Variants in MAMSTR observed in about 807,000 individuals in gnomAD.
MAMSTR encodes the protein MEF2-activating motif and SAP domain-containing transcriptional regulator.
A neutral mutation model predicts 42.7 loss-of-function variants in MAMSTR; 41 were observed. The ratio of observed to expected loss-of-function variants is 0.96; its 90% confidence interval spans 0.75 to 1.25. The LOEUF is 1.25. Among genes scored for constraint, MAMSTR ranks in the 50% most tolerant of loss-of-function variants. The pLI is 0.00. For synonymous variants in MAMSTR, 265 were observed against 244.1 expected, an observed-to-expected ratio of 1.09 and a Z score of -0.80; for missense variants, 567 against 557.6, an observed-to-expected ratio of 1.02 and a Z score of -0.17.
At chr19:48,718,313 A>G (rs898844063) in intron 2 of MAMSTR, among the ~76,000 whole-genome samples, 1 of 150,464 alleles carries the variant, frequency 6.6e-6, no homozygotes, top group Admixed American at 6.6e-5. Flanking sequence ...AGGCACGCTC[A>G]CGTGCACACT....
At position 48,714,792 on chromosome 19, in the gene MAMSTR, C is replaced by G; in HGVS notation, c.528+14G>C. The stretch of plus-strand genomic sequence containing the variant: ...AGGAGAGAGAAGGCCTGGAAAGTTA[C>G]ACCCCAAACTCACCGTCAGCTCCTC... On this transcript the variant is annotated intron_variant, in intron 6 of 9. Coordinates refer to ENST00000318083, the MANE Select transcript of MAMSTR (RefSeq NM_001130915.2). 1 of 1,575,544 alleles carries G rather than the reference C, an allele frequency of 6.3e-7. No homozygotes were observed. Among genetic ancestry groups the G allele is most frequent in the Non-Finnish European group, 8.7e-7 (1 of 1,144,112 alleles).
Position 48,719,134 on chromosome 19 carries a change from T to G in MAMSTR, c.-21-82A>C. ...TCAGGAGGCCGCCCCTGAGAGTGAATTCAGCAGGGAAAGGGCCCGAAGGAG... is the reference window on the plus strand; with the variant it reads ...TCAGGAGGCCGCCCCTGAGAGTGAAGTCAGCAGGGAAAGGGCCCGAAGGAG... On this transcript the variant is annotated intron_variant, in intron 1 of 9. Transcript: ENST00000318083. This position sits in a 1 kb window ranked among gnomAD's most constrained non-coding sequence, Gnocchi z 4.4. 2 of 959,846 alleles carry G rather than the reference T, an allele frequency of 2.1e-6. No homozygotes were observed. The highest frequency in any genetic ancestry group is 1.6e-6 in the Non-Finnish European group (1 of 621,026). 59.5% of individuals were successfully genotyped at this position (959,846 alleles called of 1,614,324 possible). A position where few individuals can be genotyped will look rare whatever the true frequency, so the allele number is the denominator to read the frequency against.
the MAMSTR span, among the ~76,000 whole-genome samples, chr19:48,706,409 A>G: frequency 1.3e-5 from 2 of 151,480 alleles, no homozygotes; most frequent in African/African-American, 2.4e-5. Flanking sequence ...AAGCTGAGGC[A>G]GATGGATCAC....
chr19:48,711,695 C>T (rs1218666486), downstream of MAMSTR, among the ~76,000 whole-genome samples: 1 of 146,572 alleles, frequency 6.8e-6, no homozygotes, highest in Non-Finnish European at 1.5e-5. Context: ...GCCTCGGTCT[C>T]TCACGTAGCT....
At chr19:48,714,778 G>T in intron 6 of MAMSTR, 28 bp downstream of exon 6, 1 of 1,520,390 alleles carries the variant, frequency 6.6e-7, no homozygotes, top group Non-Finnish European at 9.1e-7. Context: ...GGAGAGAGAA[G>T]GCCTGGAAAG....
Position 48,715,667 on chromosome 19 carries a change from G to A in MAMSTR, c.198C>T (p.Leu66=). The change falls in exon 4 of 10, where the codon CTC becomes CTT. Residue 66 remains leucine (L), a synonymous_variant. Coordinates refer to ENST00000318083, the MANE Select transcript of MAMSTR (RefSeq NM_001130915.2). ...AAGGAGGACAATATTCTGGCTCGGG[G>A]AGCAGGACCCCAGGGCTGAAGAGGA... ...APFLFSPGVL[L]PEPEYCPPWR... The A allele has an allele frequency of 6.5e-7, 1 of 1,544,150 alleles. No individual in the cohort carries two copies. The highest frequency in any genetic ancestry group is 8.7e-7 in the Non-Finnish European group (1 of 1,145,148).
At chr19:48,715,551 CA>C in intron 4 of MAMSTR, 73 bp downstream of exon 4, 1 of 1,485,254 alleles carries the variant, frequency 6.7e-7, no homozygotes, top group Non-Finnish European at 8.9e-7. Context: ...CGAAGAGGAG[CA>C]AAAATGGCAG....
rs1018822310 is a variant in MAMSTR, at chr19:48,719,244, C to T, written c.-21-192G>A. 6.6e-6 allele frequency among the ~76,000 whole-genome samples: 1 copy of T among 152,018 alleles called. No individual in the cohort carries two copies. The highest frequency in any genetic ancestry group is 1.5e-5 in the Non-Finnish European group (1 of 67,998). On this transcript the variant is annotated intron_variant, in intron 1 of 9. Coordinates refer to ENST00000318083, the MANE Select transcript of MAMSTR (RefSeq NM_001130915.2). This position sits in a 1 kb window ranked among gnomAD's most constrained non-coding sequence, Gnocchi z 4.4. ...GGCTGCACACCCGGACACCTTGCTCCGAGGAAGGAGGAAGCTGGGGACCCA... is the reference window on the plus strand; with the variant it reads ...GGCTGCACACCCGGACACCTTGCTCTGAGGAAGGAGGAAGCTGGGGACCCA...
chr19:48,707,082 C>T, the MAMSTR span, among the ~76,000 whole-genome samples: 1 of 151,670 alleles, frequency 6.6e-6, no homozygotes, highest in African/African-American at 2.4e-5. Flanking sequence ...ATTCCAAAGT[C>T]GCAACATAGC....
chr19:48,713,610 C>G, intron 9 of MAMSTR, 60 bp from the exon 10 acceptor site: 1 of 1,600,428 alleles, frequency 6.2e-7, no homozygotes, highest in Non-Finnish European at 8.5e-7. Context: ...GCCAGCCCCC[C>G]ATACCCCATT....
the MAMSTR span, among the ~76,000 whole-genome samples, chr19:48,707,640 C>G: frequency 6.6e-6 from 1 of 151,294 alleles, no homozygotes; most frequent in Non-Finnish European, 1.5e-5. Context: ...ACTCGGGAGG[C>G]TGAGTCAGTA....
At chr19:48,712,615 A>G (rs1427921330), downstream of MAMSTR, 2 of 151,094 alleles carry the variant, frequency 1.3e-5, no homozygotes, top group African/African-American at 4.9e-5. Flanking sequence ...TGTGTTTGGT[A>G]GAGACAGGGT....
Position 48,713,180 on chromosome 19 carries a change from G to T in MAMSTR, c.*87C>A. On this transcript the variant is annotated 3_prime_UTR_variant, in exon 10 of 10. Coordinates refer to ENST00000318083, the MANE Select transcript of MAMSTR (RefSeq NM_001130915.2). The stretch of plus-strand genomic sequence containing the variant: ...CTCCGATCCTGTGTCTGCGGTAGGA[G>T]GGGCTCTGCTGGTAGTTCCCTCTCC... 1 of 1,297,932 alleles carries T rather than the reference G, an allele frequency of 7.7e-7. No homozygotes were observed. Among genetic ancestry groups the T allele is most frequent in the Non-Finnish European group, 1.0e-6 (1 of 961,798 alleles). The allele number at this position is 1,297,932 out of a possible 1,614,324, so 80.4% of individuals were successfully genotyped here. A position where few individuals can be genotyped will look rare whatever the true frequency, so the allele number is the denominator to read the frequency against.
At chr19:48,707,916 GAAA>G (rs796953766), downstream of MAMSTR, among the ~76,000 whole-genome samples, 41 of 139,440 alleles carry the variant, frequency 2.9e-4, no homozygotes, top group African/African-American at 1.2e-3. Context: ...AAGAAAGAAA[GAAA>G]AAAGAAAGAA....
In MAMSTR at chr19:48,715,709, G is replaced by C; in HGVS notation, c.156C>G (p.Pro52=). The C allele has an allele frequency of 7.1e-6, 11 of 1,540,012 alleles. No homozygotes were observed. The highest frequency in any genetic ancestry group is 1.2e-5 in the South Asian group (1 of 82,758). Residue 52 remains proline, a synonymous_variant, in exon 4 of 10, where the codon CCC becomes CCG. Transcript: ENST00000318083. ...ASDPPLAPAL[P]SGTAPFLFSP... is the part of the protein sequence containing the mutation. ...TGAAGAGGAAAGGGGCCGTGCCCGA[G>C]GGCAAGGCCGGGGCCAGAGGAGGGT...
In MAMSTR at chr19:48,714,034, G is replaced by T; in HGVS notation, c.735C>A (p.Ser245Arg). ...AARRQGSVKP[S>R]AASHRPPLPR... ...GAAGAGGTGGCCTGTGAGATGCTGCGCTGGGCTTGACCTAGAGCAGCCAAG... is the reference window on the plus strand; with the variant it reads ...GAAGAGGTGGCCTGTGAGATGCTGCTCTGGGCTTGACCTAGAGCAGCCAAG... Residue 245 changes from serine (S) to arginine (R), a missense_variant, in exon 8 of 10, where the codon AGC becomes AGA. By Grantham distance (110) the Ser-to-Arg change is moderately radical (BLOSUM62 -1). Transcript: ENST00000318083. 2 of 1,594,468 alleles carry T rather than the reference G, an allele frequency of 1.3e-6. No individual in the cohort carries two copies. The highest frequency in any genetic ancestry group is 8.5e-7 in the Non-Finnish European group (1 of 1,170,786).
chr19:48,708,801 G>A (rs1030602170), downstream of MAMSTR, among the ~76,000 whole-genome samples: 6 of 152,084 alleles, frequency 3.9e-5, no homozygotes, highest in African/African-American at 1.4e-4. Context: ...AGAGATGAGC[G>A]CAGAGACTGA....
At chr19:48,707,612 A>G in the MAMSTR span, among the ~76,000 whole-genome samples, 78,464 of 146,750 alleles carry the variant, frequency 0.53, 21,695 homozygotes, top group Middle Eastern at 0.69. Context: ...GTGGTGGTGC[A>G]CACCTGTAAT....
In MAMSTR at chr19:48,719,129, G is replaced by C; in HGVS notation, c.-21-77C>G. 9.8e-7 allele frequency: 1 copy of C among 1,020,132 alleles called. No homozygotes were observed. Among genetic ancestry groups the C allele is most frequent in the Non-Finnish European group, 1.5e-6 (1 of 673,566 alleles). 63.2% of individuals were successfully genotyped at this position (1,020,132 alleles called of 1,614,324 possible). A position where few individuals can be genotyped will look rare whatever the true frequency, so the allele number is the denominator to read the frequency against. ...GGAGGTCAGGAGGCCGCCCCTGAGA[G>C]TGAATTCAGCAGGGAAAGGGCCCGA... On this transcript the variant is annotated intron_variant, in intron 1 of 9. Coordinates refer to ENST00000318083, the MANE Select transcript of MAMSTR (RefSeq NM_001130915.2). This position sits in a 1 kb window ranked among gnomAD's most constrained non-coding sequence, Gnocchi z 4.4.
Sources: gnomAD v4.1 joint callset for allele counts (sites outside exome capture counted in the v4.1 genomes callset) on GRCh38, gnomAD v4.1.1 for gene constraint, Gnocchi (gnomAD v3.1) non-coding constraint, MANE v1.5 for transcripts, NCBI Gene and HGNC (gene_info 2026-07-23, HGNC 2026-07-21) for gene names.